Variants in ADAMTS16 observed in about 807,000 individuals in gnomAD.
ADAMTS16 encodes A disintegrin and metalloproteinase with thrombospondin motifs 16.
In ADAMTS16, 94 loss-of-function variants were observed where a neutral mutation model predicts 145.8. The observed-to-expected ratio is 0.64, with a 90% CI of 0.55 to 0.77. ADAMTS16 has a LOEUF of 0.77. Ranked by LOEUF, ADAMTS16 falls within the 30% of genes least tolerant of loss-of-function variation. The probability of loss-of-function intolerance (pLI) is 0.00; values close to 1 mark genes in which losing one functional copy is unlikely to be tolerated. For missense variants in ADAMTS16, 1,585 were observed against 1,591.5 expected (o/e 1.00, Z 0.07); for synonymous variants, 659 against 604.3 (o/e 1.09, Z -1.33).
At chr5:5,291,642 C>T (rs894430297) in intron 18 of ADAMTS16, among the ~76,000 whole-genome samples, 4 of 150,206 alleles carry the variant, frequency 2.7e-5, no homozygotes, top group South Asian at 2.1e-4. Flanking sequence ...CGCAGAGCCA[C>T]GGCTTCCCCA....
intron 18 of ADAMTS16, among the ~76,000 whole-genome samples, chr5:5,281,612 G>T (rs551547472): frequency 3.5e-4 from 54 of 152,308 alleles, no homozygotes; most frequent in African/African-American, 1.3e-3. Flanking sequence ...TGAAGGTTAT[G>T]CCCTGAGGAC....
intron 18 of ADAMTS16, among the ~76,000 whole-genome samples, chr5:5,280,168 C>T (rs1421976264): frequency 1.3e-5 from 2 of 152,076 alleles, no homozygotes; most frequent in Non-Finnish European, 2.9e-5. Context: ...AATCCTGAAT[C>T]CTGAATCCAG....
chr5:5,246,377 A>AT (rs1186360015), intron 17 of ADAMTS16, among the ~76,000 whole-genome samples: 1 of 151,960 alleles, frequency 6.6e-6, no homozygotes, highest in Non-Finnish European at 1.5e-5. Context: ...CCTCTCTTAC[A>AT]TTTTTTTCAA....
intron 8 of ADAMTS16, among the ~76,000 whole-genome samples, chr5:5,199,166 A>G (rs1401279851): frequency 6.6e-6 from 1 of 152,160 alleles, no homozygotes; most frequent in East Asian, 1.9e-4. Flanking sequence ...GCCCTCCTAC[A>G]GCTTTCACAG....
At chr5:5,202,740 T>C (rs1735996471) in intron 9 of ADAMTS16, among the ~76,000 whole-genome samples, 1 of 152,196 alleles carries the variant, frequency 6.6e-6, no homozygotes, top group Non-Finnish European at 1.5e-5. Context: ...ACAGTAACAC[T>C]TTTTCTATTT....
chr5:5,220,309 G>A lies in ADAMTS16; in HGVS notation c.1606-2480G>A, dbSNP rs369576524. Reference sequence around the variant, plus strand: ...CGAGTAGCTGGGACTACAGGCACCCGCCACCACGCCTGGCTAATTTTTTAT... The same window carrying A: ...CGAGTAGCTGGGACTACAGGCACCCACCACCACGCCTGGCTAATTTTTTAT... On this transcript the variant is annotated intron_variant, in intron 10 of 22. Transcript: ENST00000274181. Among the ~76,000 whole-genome samples the A allele has an allele frequency of 7.3e-4, 110 of 150,596 alleles. 1 individual carries two copies. Among genetic ancestry groups the A allele is most frequent in the African/African-American group, 2.4e-3 (98 of 41,118 alleles).
At chr5:5,185,916 T>C (rs921532041) in intron 4 of ADAMTS16, 136 bp from the exon 5 acceptor site, 9 of 717,990 alleles carry the variant, frequency 1.3e-5, no homozygotes, top group African/African-American at 1.2e-4. Flanking sequence ...AGTTTCTGCA[T>C]CACAAGGTTT....
rs539647065 is a variant in ADAMTS16, at chr5:5,180,256, GA to G, written c.502-1779del. Among the ~76,000 whole-genome samples, 833 of 150,880 alleles carry G rather than the reference GA, an allele frequency of 5.5e-3. 5 individuals carry two copies. Among genetic ancestry groups the G allele is most frequent in the Middle Eastern group, 0.021 (6 of 288 alleles). Reference sequence around the variant, plus strand: ...GCAGCACTAGATTTGCAAAATCACTGAAAAAAAAATCAGCATAATAGTAATA... The same window carrying G: ...GCAGCACTAGATTTGCAAAATCACTGAAAAAAAATCAGCATAATAGTAATA... On this transcript the variant is annotated intron_variant, in intron 3 of 22. Transcript: ENST00000274181.
intron 18 of ADAMTS16, among the ~76,000 whole-genome samples, chr5:5,277,254 C>G (rs144177974): frequency 1.1e-4 from 16 of 152,288 alleles, no homozygotes; most frequent in African/African-American, 3.6e-4. Context: ...GGCTTCCTCC[C>G]CATTCACCAA....
chr5:5,190,230 C>G (rs1230142093), intron 7 of ADAMTS16, 100 bp downstream of exon 7: 1 of 1,308,920 alleles, frequency 7.6e-7, no homozygotes, highest in East Asian at 2.6e-5. Context: ...TGTTAATAAG[C>G]AGTAGCAGCT....
At chr5:5,146,505 A>T in intron 3 of ADAMTS16, 50 bp downstream of exon 3, 2 of 1,531,792 alleles carry the variant, frequency 1.3e-6, no homozygotes, top group African/African-American at 1.4e-5. Context: ...GTGATGGTGG[A>T]AAGGAGAGCG....
intron 8 of ADAMTS16, 65 bp from the exon 9 acceptor site, chr5:5,200,067 G>A: frequency 1.3e-6 from 2 of 1,506,272 alleles, no homozygotes; most frequent in African/African-American, 1.4e-5. Flanking sequence ...ATTGTTAGAG[G>A]GTATCAGATA....
chr5:5,145,214 G>A (rs1560921791), intron 2 of ADAMTS16, among the ~76,000 whole-genome samples: 3 of 152,102 alleles, frequency 2.0e-5, no homozygotes, highest in African/African-American at 7.2e-5. Flanking sequence ...TATTAATAAA[G>A]ACACCAAATC....
chr5:5,194,602 G>C (rs1009845115), intron 8 of ADAMTS16, among the ~76,000 whole-genome samples: 4 of 152,224 alleles, frequency 2.6e-5, no homozygotes, highest in South Asian at 2.1e-4. Context: ...CACTTCAAAT[G>C]AGAAAGGCTG....
chr5:5,302,812 C>T (rs1739840094), intron 18 of ADAMTS16, among the ~76,000 whole-genome samples: 1 of 152,092 alleles, frequency 6.6e-6, no homozygotes, highest in Non-Finnish European at 1.5e-5. Context: ...TTTAAAAAAT[C>T]CTTATTTTTT....
At chr5:5,258,034 C>A (rs1330172180) in intron 17 of ADAMTS16, among the ~76,000 whole-genome samples, 2 of 152,168 alleles carry the variant, frequency 1.3e-5, no homozygotes, top group Non-Finnish European at 2.9e-5. Context: ...CGAAGGGTCC[C>A]GAGCACAGGA....
chr5:5,208,377 T>C lies in ADAMTS16; in HGVS notation c.1452-716T>C, dbSNP rs542673201. On this transcript the variant is annotated intron_variant, in intron 9 of 22. Transcript: ENST00000274181. ...TTGTAGGAGGGATTTAGTTGCTATT[T>C]GAAAACACAAAAATGTTTAAATACA... Among the ~76,000 whole-genome samples, 4 of 152,346 alleles carry C rather than the reference T, an allele frequency of 2.6e-5. No homozygotes were observed. In the East Asian group the frequency reaches 7.7e-4, roughly 29 times the overall value.
chr5:5,160,251 C>A (rs1734707807), intron 3 of ADAMTS16, among the ~76,000 whole-genome samples: 1 of 152,180 alleles, frequency 6.6e-6, no homozygotes, highest in African/African-American at 2.4e-5. Context: ...CATTCAGCAC[C>A]ATTGTTCTGA....
intron 17 of ADAMTS16, among the ~76,000 whole-genome samples, chr5:5,259,571 G>A (rs927669872): frequency 3.3e-5 from 5 of 152,218 alleles, no homozygotes; most frequent in African/African-American, 1.2e-4. Context: ...ATTTAAAGGG[G>A]AGAAGTGGGC....
Sources: gnomAD v4.1 joint callset for allele counts (sites outside exome capture counted in the v4.1 genomes callset) on GRCh38, gnomAD v4.1.1 for gene constraint, MANE v1.5 for transcripts, NCBI Gene and HGNC (gene_info 2026-07-23, HGNC 2026-07-21) for gene names.